Variants in DTD1 observed in about 807,000 individuals in gnomAD.
DTD1 encodes D-tyrosyl-tRNA deacylase 1 homolog.
In DTD1, 13 loss-of-function variants were observed where a neutral mutation model predicts 25.6. That is an observed-to-expected ratio of 0.51 (90% CI 0.33 to 0.81). DTD1 has a LOEUF of 0.81. Among genes scored for constraint, DTD1 ranks in the 30% least tolerant of loss-of-function variants. The probability of loss-of-function intolerance (pLI) is 0.02; values close to 1 mark genes in which losing one functional copy is unlikely to be tolerated. For synonymous variants in DTD1, 110 were observed against 103.6 expected (o/e 1.06, Z -0.37); for missense variants, 193 against 266.4 (o/e 0.72, Z 1.92).
At chr20:18,673,051 A>C (rs1396271645) in intron 4 of DTD1, among the ~76,000 whole-genome samples, 1 of 152,160 alleles carries the variant, frequency 6.6e-6, no homozygotes, top group Admixed American at 6.6e-5. Flanking sequence ...CTGTTTATCG[A>C]ATTAGTGAAT....
chr20:18,596,210 G>A lies in DTD1; in HGVS notation c.339G>A (p.Leu113=), dbSNP rs2060610825. 3.7e-6 allele frequency: 6 copies of A among 1,614,146 alleles called. No individual in the cohort carries two copies. The South Asian group carries it at 5.5e-5, about 15-fold the overall frequency. ...EGFYNSFLEQ[L]RKTYRPELIK... Reference sequence around the variant, plus strand: ...TCTACAACAGCTTCCTGGAGCAGCTGCGTAAAACATACAGGCCGGAGCTTA... The same window carrying A: ...TCTACAACAGCTTCCTGGAGCAGCTACGTAAAACATACAGGCCGGAGCTTA... Residue 113 remains leucine, a synonymous_variant, in exon 3 of 6, where the codon CTG becomes CTA. Transcript: ENST00000377452.
intron 4 of DTD1, among the ~76,000 whole-genome samples, chr20:18,641,770 A>T (rs1228543195): frequency 6.6e-6 from 1 of 152,100 alleles, no homozygotes; most frequent in African/African-American, 2.4e-5. Context: ...TTAATTTCTT[A>T]ACAGATAGAT....
intron 4 of DTD1, among the ~76,000 whole-genome samples, chr20:18,680,431 TTGG>T (rs1568666937): frequency 7.0e-6 from 1 of 143,026 alleles, no homozygotes. Flanking sequence ...TTTTTTTTTT[TTGG>T]TCTCACTATG....
intron 3 of DTD1, among the ~76,000 whole-genome samples, chr20:18,623,938 G>A (rs2060746919): frequency 7.5e-6 from 1 of 133,890 alleles, no homozygotes; most frequent in African/African-American, 2.7e-5. Flanking sequence ...CACAATAGAG[G>A]GCATGCTACT....
intron 4 of DTD1, among the ~76,000 whole-genome samples, chr20:18,655,517 G>A (rs2060888335): frequency 6.6e-6 from 1 of 152,206 alleles, no homozygotes; most frequent in South Asian, 2.1e-4. Context: ...AGAGGGGGTA[G>A]TATAATGGAC....
chr20:18,700,485 G>A (rs894424147), intron 4 of DTD1, among the ~76,000 whole-genome samples: 1 of 148,126 alleles, frequency 6.8e-6, no homozygotes, highest in Non-Finnish European at 1.5e-5. Flanking sequence ...TGTGCAAATA[G>A]TGGTGACCTT....
intron 5 of DTD1, among the ~76,000 whole-genome samples, chr20:18,750,231 T>TCCCC (rs1600222686): frequency 6.6e-6 from 1 of 152,050 alleles, no homozygotes; most frequent in East Asian, 1.9e-4. Context: ...TGGGTTTTGT[T>TCCCC]CCCCCTTCTG....
intron 4 of DTD1, among the ~76,000 whole-genome samples, chr20:18,646,079 C>A: frequency 6.6e-6 from 1 of 152,318 alleles, no homozygotes; most frequent in South Asian, 2.1e-4. Flanking sequence ...ACATTTGTGT[C>A]CAAGGCCCTG....
At chr20:18,588,630 C>A (rs982115365) in intron 1 of DTD1, 1 of 563,066 alleles carries the variant, frequency 1.8e-6, no homozygotes, top group Non-Finnish European at 2.3e-6. Flanking sequence ...TGAGCTTTGA[C>A]AGTTGCGTGC....
intron 3 of DTD1, among the ~76,000 whole-genome samples, chr20:18,602,282 C>A (rs1186141037): frequency 1.6e-4 from 2 of 12,312 alleles, no homozygotes; most frequent in Non-Finnish European, 3.5e-4. Flanking sequence ...TGTGAAAAGA[C>A]CAAATCTACG....
chr20:18,607,327 A>C (rs902941738), intron 3 of DTD1, among the ~76,000 whole-genome samples: 6 of 152,034 alleles, frequency 3.9e-5, no homozygotes, highest in South Asian at 4.2e-4. Context: ...CACCTGGCTA[A>C]TTTTTGTATT....
At chr20:18,621,467 T>C (rs1433365334) in intron 3 of DTD1, among the ~76,000 whole-genome samples, 1 of 152,242 alleles carries the variant, frequency 6.6e-6, no homozygotes, top group Non-Finnish European at 1.5e-5. Context: ...AATATCCTGT[T>C]ACTCAGCCTA....
intron 3 of DTD1, among the ~76,000 whole-genome samples, chr20:18,597,756 G>A (rs1328224242): frequency 6.6e-6 from 1 of 152,094 alleles, no homozygotes; most frequent in African/African-American, 2.4e-5. Context: ...GTAACTGGCT[G>A]TATTTGATAA....
chr20:18,643,677 T>C (rs2060839252), intron 4 of DTD1: 1 of 152,328 alleles, frequency 6.6e-6, no homozygotes, highest in Admixed American at 6.5e-5. Flanking sequence ...CAGTTCAGAA[T>C]CATGCCTTGT....
intron 4 of DTD1, among the ~76,000 whole-genome samples, chr20:18,669,763 G>A (rs1440155108): frequency 4.6e-5 from 7 of 152,210 alleles, no homozygotes; most frequent in South Asian, 2.1e-4. Context: ...ATCGCTCCCG[G>A]GGGGGTCTGC....
At chr20:18,594,911 G>T (rs2122242577) in intron 2 of DTD1, among the ~76,000 whole-genome samples, 1 of 152,292 alleles carries the variant, frequency 6.6e-6, no homozygotes, top group South Asian at 2.1e-4. Flanking sequence ...CTGTGGAGAG[G>T]GGGTAATGAG....
chr20:18,743,996 A>G, intron 4 of DTD1, 104 bp from the exon 5 acceptor site: 1 of 1,323,942 alleles, frequency 7.6e-7, no homozygotes, highest in Non-Finnish European at 1.0e-6. Flanking sequence ...GGTTATCAGA[A>G]AAAAACTTTT....
intron 4 of DTD1, among the ~76,000 whole-genome samples, chr20:18,729,161 G>C (rs182402834): frequency 1.4e-3 from 215 of 152,278 alleles, no homozygotes; most frequent in Non-Finnish European, 2.7e-3. Context: ...GTGCCACCAC[G>C]TCTGGTGAGT....
At chr20:18,672,516 G>A (rs2060954595) in intron 4 of DTD1, among the ~76,000 whole-genome samples, 1 of 151,628 alleles carries the variant, frequency 6.6e-6, no homozygotes, top group Non-Finnish European at 1.5e-5. Flanking sequence ...AAAAAGATTT[G>A]TTTCCCTGTT....
Sources: allele counts gnomAD v4.1 joint callset (sites outside exome capture counted in the v4.1 genomes callset), GRCh38; gene constraint gnomAD v4.1.1; transcripts MANE v1.5; gene names NCBI Gene and HGNC (gene_info 2026-07-23, HGNC 2026-07-21).